Variants in PDK1 observed in about 807,000 individuals in gnomAD.
PDK1 encodes [Pyruvate dehydrogenase (acetyl-transferring)] kinase isozyme 1, mitochondrial.
A neutral mutation model predicts 54.2 loss-of-function variants in PDK1; 39 were observed. The observed-to-expected ratio is 0.72, with a 90% CI of 0.56 to 0.94. The LOEUF (loss-of-function observed/expected upper bound fraction) is 0.94, where lower values mean the gene tolerates loss of function less well. PDK1 is among the 40% of genes least tolerant of loss of function. The pLI, the probability that PDK1 is intolerant of heterozygous loss-of-function variation, is 0.00. For missense variants in PDK1, 552 were observed against 566.0 expected, an observed-to-expected ratio of 0.98 and a Z score of 0.25; for synonymous variants, 221 against 207.1, an observed-to-expected ratio of 1.07 and a Z score of -0.58.
chr2:172,660,704 G>A, the PDK1 span, among the ~76,000 whole-genome samples: 4 of 151,918 alleles, frequency 2.6e-5, no homozygotes, highest in African/African-American at 9.7e-5. Context: ...GCTTGGTGGG[G>A]GCAGCCCTGG....
chr2:172,629,445 G>C, the PDK1 span, among the ~76,000 whole-genome samples: 1 of 152,182 alleles, frequency 6.6e-6, no homozygotes, highest in Non-Finnish European at 1.5e-5. Flanking sequence ...CTTGACTTCA[G>C]AGGGATGGTT....
intron 3 of PDK1, among the ~76,000 whole-genome samples, chr2:172,563,327 T>G (rs1574468292): frequency 6.6e-6 from 1 of 152,136 alleles, no homozygotes; most frequent in African/African-American, 2.4e-5. Context: ...TTGTTTGTTG[T>G]TTTTGAAGAG....
chr2:172,566,920 T>C lies in PDK1; in HGVS notation c.756T>C (p.Leu252=). 8.1e-6 allele frequency: 13 copies of C among 1,605,506 alleles called. No homozygotes were observed. The highest frequency in any genetic ancestry group is 1.1e-5 in the Non-Finnish European group (13 of 1,172,772). The change falls in exon 6 of 11, where the codon CTT becomes CTC. Residue 252 remains leucine, a synonymous_variant. Coordinates refer to ENST00000282077, the MANE Select transcript of PDK1 (RefSeq NM_002610.5). ...ATATTAACTCTCCCGAACTAGAACT[T>C]GAAGAACTAAATGGTAAGCCTGATG... ...LYYINSPELE[L]EELNAKSPGQ... is the part of the protein sequence containing the mutation.
At chr2:172,650,665 A>AG in the PDK1 span, among the ~76,000 whole-genome samples, 6 of 152,270 alleles carry the variant, frequency 3.9e-5, no homozygotes, top group African/African-American at 1.4e-4. Context: ...ACAAAAAAAA[A>AG]GCAGGGGTTG....
At chr2:172,637,340 A>C in the PDK1 span, among the ~76,000 whole-genome samples, 9 of 152,308 alleles carry the variant, frequency 5.9e-5, no homozygotes, top group African/African-American at 2.2e-4. Flanking sequence ...CTAAACATCC[A>C]CAGAGGTCAC....
chr2:172,629,289 C>T, the PDK1 span, among the ~76,000 whole-genome samples: 1 of 152,164 alleles, frequency 6.6e-6, no homozygotes, highest in African/African-American at 2.4e-5. Flanking sequence ...TTTTCCTGCC[C>T]GAATGTTGCC....
At chr2:172,578,297 A>C (rs1435221882) in intron 8 of PDK1, among the ~76,000 whole-genome samples, 2 of 152,112 alleles carry the variant, frequency 1.3e-5, no homozygotes, top group Admixed American at 1.3e-4. Context: ...CTTTTCTTTC[A>C]CATGCTCAAA....
the PDK1 span, among the ~76,000 whole-genome samples, chr2:172,678,198 G>A: frequency 2.6e-5 from 4 of 152,074 alleles, no homozygotes; most frequent in African/African-American, 9.6e-5. Flanking sequence ...GAGTCAGAGG[G>A]CTCAACCACA....
chr2:172,691,068 A>G, the PDK1 span, among the ~76,000 whole-genome samples: 2 of 150,304 alleles, frequency 1.3e-5, no homozygotes, highest in African/African-American at 4.8e-5. Context: ...TCACCTCTCA[A>G]AAAGACACTG....
intron 8 of PDK1, among the ~76,000 whole-genome samples, chr2:172,572,051 C>G (rs1006422384): frequency 6.6e-6 from 1 of 151,946 alleles, no homozygotes; most frequent in East Asian, 1.9e-4. Flanking sequence ...AGGCTGGTCT[C>G]GAACTCGACC....
the PDK1 span, among the ~76,000 whole-genome samples, chr2:172,713,043 G>T: frequency 6.6e-6 from 1 of 152,192 alleles, no homozygotes; most frequent in African/African-American, 2.4e-5. Context: ...CCTATCTGCA[G>T]GCAGGTCTTT....
chr2:172,653,269 T>C, the PDK1 span, among the ~76,000 whole-genome samples: 6 of 152,154 alleles, frequency 3.9e-5, no homozygotes, highest in Admixed American at 2.6e-4. Context: ...GCTAGCCATA[T>C]GTAGAAAGCT....
intron 8 of PDK1, among the ~76,000 whole-genome samples, chr2:172,583,281 G>GTT (rs1175087926): frequency 0.015 from 1,152 of 77,030 alleles, 161 homozygotes; most frequent in African/African-American, 0.02. Flanking sequence ...AAGTTTTCTG[G>GTT]TTTTTTTTTT....
chr2:172,628,087 T>C, the PDK1 span, among the ~76,000 whole-genome samples: 2 of 152,230 alleles, frequency 1.3e-5, no homozygotes, highest in Non-Finnish European at 2.9e-5. Context: ...CTTCAAGATA[T>C]CCTGCAGTTT....
the PDK1 span, among the ~76,000 whole-genome samples, chr2:172,658,517 A>C: frequency 6.6e-6 from 1 of 152,194 alleles, no homozygotes; most frequent in Non-Finnish European, 1.5e-5. Context: ...ATTTTTAGGG[A>C]ACAAGGGAGG....
chr2:172,612,293 G>C (rs1481175169), downstream of PDK1, among the ~76,000 whole-genome samples: 4 of 152,170 alleles, frequency 2.6e-5, no homozygotes, highest in African/African-American at 7.2e-5. Flanking sequence ...AAACTCTTAA[G>C]AGCAATTAAC....
At chr2:172,622,881 T>C in the PDK1 span, among the ~76,000 whole-genome samples, 275 of 148,090 alleles carry the variant, frequency 1.9e-3, 1 homozygote, top group Non-Finnish European at 3.1e-3. Flanking sequence ...GATATATGTT[T>C]ACATATTATA....
chr2:172,687,073 A>T, the PDK1 span, among the ~76,000 whole-genome samples: 1 of 152,190 alleles, frequency 6.6e-6, no homozygotes, highest in Non-Finnish European at 1.5e-5. Flanking sequence ...GCTTGTTTTG[A>T]AACAATAATA....
At chr2:172,632,228 T>A in the PDK1 span, among the ~76,000 whole-genome samples, 1 of 151,410 alleles carries the variant, frequency 6.6e-6, no homozygotes, top group African/African-American at 2.4e-5. Context: ...GATTGCATCA[T>A]TGCACTCCAC....
Sources: gnomAD v4.1 joint callset for allele counts (sites outside exome capture counted in the v4.1 genomes callset) on GRCh38, gnomAD v4.1.1 for gene constraint, MANE v1.5 for transcripts, NCBI Gene and HGNC (gene_info 2026-07-23, HGNC 2026-07-21) for gene names.